The following C2orf76 variants were observed in gnomAD, a reference collection of about 807,000 sequenced individuals.
C2orf76 encodes chromosome 2 open reading frame 76.
C2orf76 carries 23 observed loss-of-function variants against 16.9 expected under a neutral mutation model. The observed-to-expected ratio is 1.36, with a 90% CI of 0.98 to 1.93. C2orf76 has a LOEUF of 1.93. Among genes scored for constraint, C2orf76 ranks in the 30% most tolerant of loss-of-function variants. C2orf76 has a pLI of 0.00. For synonymous variants in C2orf76, 48 were observed against 52.3 expected (o/e 0.92, Z 0.35); for missense variants, 152 against 152.6 (o/e 1.00, Z 0.02).
intron 2 of C2orf76, among the ~76,000 whole-genome samples, chr2:119,328,955 T>C (rs1375749192): frequency 6.6e-6 from 1 of 152,188 alleles, no homozygotes; most frequent in Non-Finnish European, 1.5e-5. Context: ...ATAGACACTG[T>C]CTAATTTGAA....
chr2:119,317,103 TG>T (rs1679194246), intron 4 of C2orf76, among the ~76,000 whole-genome samples: 1 of 152,226 alleles, frequency 6.6e-6, no homozygotes, highest in South Asian at 2.1e-4. Flanking sequence ...CCTTTTGTTC[TG>T]GTACAGAATT....
At chr2:119,289,362 T>G in the C2orf76 span, among the ~76,000 whole-genome samples, 1 of 152,078 alleles carries the variant, frequency 6.6e-6, no homozygotes, top group Non-Finnish European at 1.5e-5. Context: ...CATCTTAGTC[T>G]GGAAGCGTCT....
chr2:119,360,591 A>G (rs1261357714), intron 1 of C2orf76, among the ~76,000 whole-genome samples: 1 of 152,128 alleles, frequency 6.6e-6, no homozygotes, highest in Non-Finnish European at 1.5e-5. Context: ...GCACTGGAAA[A>G]CCAAAAAACT....
chr2:119,291,148 T>G, the C2orf76 span, among the ~76,000 whole-genome samples: 1 of 152,156 alleles, frequency 6.6e-6, no homozygotes, highest in Admixed American at 6.5e-5. Context: ...AACGAGGCTC[T>G]GCTAATATGG....
At chr2:119,299,229 T>C (rs1678581182), downstream of C2orf76, among the ~76,000 whole-genome samples, 1 of 152,212 alleles carries the variant, frequency 6.6e-6, no homozygotes, top group Non-Finnish European at 1.5e-5. Context: ...CAGCCTCTTA[T>C]TCATATCTAA....
At chr2:119,302,793 C>T (rs565541964) in intron 5 of C2orf76, among the ~76,000 whole-genome samples, 2 of 152,070 alleles carry the variant, frequency 1.3e-5, no homozygotes, top group East Asian at 1.9e-4. Flanking sequence ...AATAAAAAAC[C>T]AAAAATTAAA....
At chr2:119,327,336 ATTTTTTTTT>A (rs34185420) in intron 2 of C2orf76, among the ~76,000 whole-genome samples, 17 of 68,692 alleles carry the variant, frequency 2.5e-4, no homozygotes, top group East Asian at 5.2e-4. Context: ...AATTACATGG[ATTTTTTTTT>A]TTTTTTTTTT....
chr2:119,312,153 C>G (rs1050305321), intron 4 of C2orf76, among the ~76,000 whole-genome samples: 3 of 152,230 alleles, frequency 2.0e-5, no homozygotes, highest in Middle Eastern at 3.2e-3. Flanking sequence ...GCTGCATCAT[C>G]ATCATCATCT....
At chr2:119,315,898 A>C (rs1220514376) in intron 4 of C2orf76, among the ~76,000 whole-genome samples, 1 of 152,214 alleles carries the variant, frequency 6.6e-6, no homozygotes, top group Non-Finnish European at 1.5e-5. Flanking sequence ...CAGATTTTTT[A>C]AATGTTATAA....
At chr2:119,314,501 C>T (rs1679102494) in intron 4 of C2orf76, among the ~76,000 whole-genome samples, 2 of 152,108 alleles carry the variant, frequency 1.3e-5, no homozygotes, top group South Asian at 4.1e-4. Context: ...GCCATATTTA[C>T]TATACATTCA....
At chr2:119,314,264 T>A (rs1281650697) in intron 4 of C2orf76, among the ~76,000 whole-genome samples, 1 of 152,120 alleles carries the variant, frequency 6.6e-6, no homozygotes, top group Non-Finnish European at 1.5e-5. Context: ...AATAGTGTAA[T>A]AAACCCCCTG....
chr2:119,284,394 T>C, the C2orf76 span, among the ~76,000 whole-genome samples: 25 of 152,278 alleles, frequency 1.6e-4, no homozygotes, highest in African/African-American at 5.8e-4. Flanking sequence ...TGTACAGTTG[T>C]AGGGCTTATT....
At chr2:119,283,056 T>C in the C2orf76 span, among the ~76,000 whole-genome samples, 1 of 152,166 alleles carries the variant, frequency 6.6e-6, no homozygotes, top group Non-Finnish European at 1.5e-5. Flanking sequence ...ATGTCATGAA[T>C]AATTAGCAGG....
the C2orf76 span, among the ~76,000 whole-genome samples, chr2:119,295,009 A>C: frequency 6.6e-6 from 1 of 152,168 alleles, no homozygotes; most frequent in Non-Finnish European, 1.5e-5. Flanking sequence ...CCAGAGGCAG[A>C]GAAATGGAAA....
chr2:119,357,888 C>T (rs995757890), intron 1 of C2orf76, among the ~76,000 whole-genome samples: 5 of 152,142 alleles, frequency 3.3e-5, no homozygotes, highest in Non-Finnish European at 2.9e-5. Flanking sequence ...GGCAAAGTCA[C>T]AGGATACAAA....
At chr2:119,318,363 G>A (rs6717142) in intron 3 of C2orf76, among the ~76,000 whole-genome samples, 5,919 of 152,106 alleles carry the variant, frequency 0.039, 365 homozygotes, top group African/African-American at 0.13. Flanking sequence ...TATCAATCAC[G>A]TTGTAACAAG....
chr2:119,367,098 G>A (rs751262034), upstream of C2orf76: 7 of 1,612,754 alleles, frequency 4.3e-6, no homozygotes, highest in Middle Eastern at 1.7e-4. Flanking sequence ...AAGGTGCAGC[G>A]GGCGGGAGGC....
At chr2:119,348,011 C>G (rs549461788) in intron 1 of C2orf76, among the ~76,000 whole-genome samples, 4 of 138,154 alleles carry the variant, frequency 2.9e-5, no homozygotes, top group Non-Finnish European at 6.1e-5. Context: ...CACACCACTA[C>G]TCTCCAGCCT....
chr2:119,362,409 T>G (rs1680773106), intron 1 of C2orf76, among the ~76,000 whole-genome samples: 2 of 152,308 alleles, frequency 1.3e-5, no homozygotes, highest in African/African-American at 4.8e-5. Flanking sequence ...ATTTTCTTGT[T>G]GACAGGCAGA....
Sources: gnomAD v4.1 joint callset for allele counts (sites outside exome capture counted in the v4.1 genomes callset) on GRCh38, gnomAD v4.1.1 for gene constraint, MANE v1.5 for transcripts, NCBI Gene and HGNC (gene_info 2026-07-23, HGNC 2026-07-21) for gene names.